The following PFKFB3 variants were observed in gnomAD, a reference collection of about 807,000 sequenced individuals.
PFKFB3 encodes 6-phosphofructo-2-kinase/fructose-2,6-biphosphatase 3, also known as 6-phosphofructo-2-kinase/fructose-2,6-bisphosphatase 3.
PFKFB3 carries 33 observed loss-of-function variants against 68.0 expected under a neutral mutation model. The observed-to-expected ratio is 0.49, with a 90% CI of 0.37 to 0.65. The LOEUF (loss-of-function observed/expected upper bound fraction) is 0.65, where lower values mean the gene tolerates loss of function less well. PFKFB3 is among the 30% of genes least tolerant of loss of function. The pLI, the probability that PFKFB3 is intolerant of heterozygous loss-of-function variation, is 0.00. For synonymous variants in PFKFB3, 315 were observed against 288.2 expected, an observed-to-expected ratio of 1.09 and a Z score of -0.94; for missense variants, 586 against 712.2, an observed-to-expected ratio of 0.82 and a Z score of 2.02.
chr10:6,256,011 C>T (rs990961345), downstream of PFKFB3, among the ~76,000 whole-genome samples: 6 of 152,186 alleles, frequency 3.9e-5, no homozygotes, highest in Non-Finnish European at 1.5e-5. Context: ...GAACAAGGGG[C>T]GTAGGCTGCA....
intron 1 of PFKFB3, among the ~76,000 whole-genome samples, chr10:6,178,956 C>G (rs77782465): frequency 0.13 from 19,254 of 152,264 alleles, 1,456 homozygotes; most frequent in East Asian, 0.19. Context: ...ACGGGGTCCT[C>G]CGCAGGTGAT....
downstream of PFKFB3, among the ~76,000 whole-genome samples, chr10:6,238,848 C>T (rs111925333): frequency 0.022 from 3,301 of 152,244 alleles, 139 homozygotes; most frequent in Admixed American, 0.097. Flanking sequence ...CATTAGTTTG[C>T]TGAGGATAAT....
the PFKFB3 span, among the ~76,000 whole-genome samples, chr10:6,269,023 C>CAAAA: frequency 5.4e-5 from 5 of 93,202 alleles, no homozygotes; most frequent in Non-Finnish European, 8.4e-5. Flanking sequence ...GATCCTGTCT[C>CAAAA]AAAAAAAAAA....
chr10:6,166,689 A>T lies in PFKFB3; in HGVS notation c.16+21676A>T, dbSNP rs187064378. On this transcript the variant is annotated intron_variant, in intron 1 of 14. Coordinates refer to the PFKFB3 transcript ENST00000379789. ...TCTTGAGTAGCACCTGTTTCGGCCC[A>T]TTGCCCCTTTAACAAGGGGCCCAGG... is the stretch of plus-strand genomic sequence containing the variant. Among the ~76,000 whole-genome samples the T allele has an allele frequency of 3.9e-3, 587 of 152,230 alleles. 2 individuals carry two copies. Among genetic ancestry groups the T allele is most frequent in the Middle Eastern group, 6.8e-3 (2 of 294 alleles).
At chr10:6,269,760 A>G in the PFKFB3 span, among the ~76,000 whole-genome samples, 1 of 152,212 alleles carries the variant, frequency 6.6e-6, no homozygotes, top group Admixed American at 6.5e-5. Context: ...GGACAACTTC[A>G]GAAGTCAGCA....
chr10:6,237,696 G>T (rs1017816462), downstream of PFKFB3, among the ~76,000 whole-genome samples: 1 of 152,164 alleles, frequency 6.6e-6, no homozygotes, highest in Non-Finnish European at 1.5e-5. Context: ...CTCCCGAGTA[G>T]CTGGGACTAC....
Position 6,234,496 on chromosome 10 carries a change from G to C in PFKFB3, c.*1554G>C, listed in dbSNP as rs2132062508. On this transcript the variant is annotated 3_prime_UTR_variant, in exon 15 of 15. Transcript: ENST00000379775. Reference sequence around the variant, plus strand: ...GTACAATCAAGTGGGGGATTTTCATGCTGAACCATTCAAGCCCTCCCCGCC... The same window carrying C: ...GTACAATCAAGTGGGGGATTTTCATCCTGAACCATTCAAGCCCTCCCCGCC... 1 of 152,390 alleles carries C rather than the reference G, an allele frequency of 6.6e-6. No homozygotes were observed. The highest frequency in any genetic ancestry group is 3.4e-3 in the Middle Eastern group (1 of 294). 9.4% of individuals were successfully genotyped at this position (152,390 alleles called of 1,614,324 possible). A position where few individuals can be genotyped will look rare whatever the true frequency, so the allele number is the denominator to read the frequency against.
the PFKFB3 span, among the ~76,000 whole-genome samples, chr10:6,289,780 T>C: frequency 6.6e-6 from 1 of 152,112 alleles, no homozygotes; most frequent in Non-Finnish European, 1.5e-5. Flanking sequence ...ATTGAATCTA[T>C]AAATTACCTT....
chr10:6,224,529 G>T, intron 13 of PFKFB3: 1 of 506,162 alleles, frequency 2.0e-6, no homozygotes. Context: ...TCCCCAGGCT[G>T]GAGTGCGGTG....
At chr10:6,321,757 T>C in the PFKFB3 span, among the ~76,000 whole-genome samples, 1 of 152,234 alleles carries the variant, frequency 6.6e-6, no homozygotes, top group African/African-American at 2.4e-5. Flanking sequence ...TCACACTAAC[T>C]GGCTTCACAA....
chr10:6,180,076 C>A (rs960796663), intron 1 of PFKFB3, among the ~76,000 whole-genome samples: 13 of 151,786 alleles, frequency 8.6e-5, no homozygotes, highest in South Asian at 2.1e-4. Context: ...GGCTCGGTGG[C>A]GCTCGCGTGT....
At chr10:6,217,290 G>A in intron 6 of PFKFB3, 99 bp downstream of exon 6, 3 of 1,066,012 alleles carry the variant, frequency 2.8e-6, no homozygotes, top group Middle Eastern at 2.2e-4. Flanking sequence ...CGGAAGCGCA[G>A]CTGAGCCCTT....
intron 14 of PFKFB3, 21 bp from the exon 15 acceptor site, chr10:6,232,872 CCT>C (rs1292280269): frequency 1.2e-6 from 2 of 1,605,566 alleles, no homozygotes; most frequent in African/African-American, 2.7e-5. Context: ...TCCCTCCCCA[CCT>C]CTCTTTTCTC....
At chr10:6,244,065 G>T (rs1208929852) in intron 14 of PFKFB3, among the ~76,000 whole-genome samples, 1 of 152,168 alleles carries the variant, frequency 6.6e-6, no homozygotes, top group Non-Finnish European at 1.5e-5. Context: ...TCACTATGTT[G>T]CCCAGGCTAG....
At chr10:6,207,179 C>T (rs2131890970) in intron 1 of PFKFB3, among the ~76,000 whole-genome samples, 1 of 152,374 alleles carries the variant, frequency 6.6e-6, no homozygotes, top group African/African-American at 2.4e-5. Context: ...ACTCCGTCTG[C>T]AATCCCGGCA....
chr10:6,236,775 C>T (rs1846021847), downstream of PFKFB3, among the ~76,000 whole-genome samples: 1 of 152,202 alleles, frequency 6.6e-6, no homozygotes, highest in South Asian at 2.1e-4. Flanking sequence ...GTCTGTGTAT[C>T]GTAAGGTCCT....
chr10:6,315,643 C>A, the PFKFB3 span, among the ~76,000 whole-genome samples: 1 of 152,338 alleles, frequency 6.6e-6, no homozygotes, highest in Non-Finnish European at 1.5e-5. Flanking sequence ...ACCGCCATGG[C>A]TGGCTAATTT....
At chr10:6,293,772 C>T in the PFKFB3 span, 1 of 369,638 alleles carries the variant, frequency 2.7e-6, no homozygotes, top group Non-Finnish European at 5.5e-6. Context: ...GTTTGAGCAC[C>T]TTGTGCACTT....
At chr10:6,201,231 C>T (rs1444205641), upstream of PFKFB3, among the ~76,000 whole-genome samples, 6 of 151,756 alleles carry the variant, frequency 4.0e-5, no homozygotes, top group Admixed American at 3.3e-4. The surrounding 1 kb of genome is among the most constrained non-coding windows in gnomAD (Gnocchi z 4.1). Flanking sequence ...CGGGTCAGCC[C>T]ACTCTTATTT....
Sources: gnomAD v4.1 joint callset for allele counts (sites outside exome capture counted in the v4.1 genomes callset) on GRCh38, gnomAD v4.1.1 for gene constraint, Gnocchi (gnomAD v3.1) non-coding constraint, MANE v1.5 for transcripts, NCBI Gene and HGNC (gene_info 2026-07-23, HGNC 2026-07-21) for gene names.